ASPRV1: variants seen among roughly 807,000 people sequenced by gnomAD.
ASPRV1 encodes aspartic peptidase retroviral like 1.
A neutral mutation model predicts 11.0 loss-of-function variants in ASPRV1; 7 were observed. That is an observed-to-expected ratio of 0.64 (90% CI 0.36 to 1.20). ASPRV1 has a LOEUF of 1.20. Among genes scored for constraint, ASPRV1 ranks in the 50% most tolerant of loss-of-function variants. The pLI, the probability that ASPRV1 is intolerant of heterozygous loss-of-function variation, is 0.02. For synonymous variants in ASPRV1, 136 were observed against 138.4 expected (o/e 0.98, Z 0.12); for missense variants, 299 against 320.0 (o/e 0.93, Z 0.50).
chr2:69,961,774 T>A, upstream of ASPRV1: 1 of 1,400,600 alleles, frequency 7.1e-7, no homozygotes, highest in East Asian at 2.3e-5. Context: ...TGCCTCACCC[T>A]CTGCATCCAT....
At chr2:70,043,523 C>A in the ASPRV1 span, among the ~76,000 whole-genome samples, 4 of 152,230 alleles carry the variant, frequency 2.6e-5, no homozygotes, top group African/African-American at 7.2e-5. Flanking sequence ...GGGGGAACTG[C>A]ACCTTTGCAT....
chr2:70,046,193 TTTG>T, the ASPRV1 span: 1 of 152,048 alleles, frequency 6.6e-6, no homozygotes, highest in African/African-American at 2.4e-5. Flanking sequence ...GATGTGGTGT[TTTG>T]TTTTTTGTTT....
At chr2:69,951,446 AGTGTGTGTGTGTGTGTGTGT>A in the ASPRV1 span, among the ~76,000 whole-genome samples, 292 of 107,352 alleles carry the variant, frequency 2.7e-3, no homozygotes, top group Non-Finnish European at 4.1e-3. Flanking sequence ...AAAAAAAGTG[AGTGTGTGTGTGTGTGTGTGT>A]GTGTGTGTGT....
chr2:69,937,199 C>A, the ASPRV1 span: 10 of 1,610,470 alleles, frequency 6.2e-6, no homozygotes, highest in Non-Finnish European at 8.5e-6. Flanking sequence ...TAGAGATCTC[C>A]CTGTGGGGCC....
chr2:69,933,224 A>C, the ASPRV1 span, among the ~76,000 whole-genome samples: 1 of 139,776 alleles, frequency 7.2e-6, no homozygotes, highest in African/African-American at 2.8e-5. Context: ...AAAAAAAAAA[A>C]CAAAAAAAGA....
At chr2:70,070,041 T>C in the ASPRV1 span, among the ~76,000 whole-genome samples, 1 of 151,792 alleles carries the variant, frequency 6.6e-6, no homozygotes, top group Non-Finnish European at 1.5e-5. Context: ...GAGCCAGGCG[T>C]GGTGGCACGC....
At chr2:69,973,843 C>T in the ASPRV1 span, among the ~76,000 whole-genome samples, 2 of 152,146 alleles carry the variant, frequency 1.3e-5, no homozygotes, top group African/African-American at 2.4e-5. Flanking sequence ...GATAGTCAAC[C>T]AAATAATGAA....
chr2:69,946,658 T>C, the ASPRV1 span, among the ~76,000 whole-genome samples: 3 of 152,106 alleles, frequency 2.0e-5, no homozygotes, highest in African/African-American at 4.8e-5. Context: ...GAAATAAGCT[T>C]GGAAGGGAAA....
At chr2:70,074,250 A>T in the ASPRV1 span, among the ~76,000 whole-genome samples, 1 of 151,642 alleles carries the variant, frequency 6.6e-6, no homozygotes, top group African/African-American at 2.4e-5. Flanking sequence ...CAATTACAGA[A>T]CATCAGAGTT....
At chr2:70,018,118 G>C in the ASPRV1 span, 22 of 151,958 alleles carry the variant, frequency 1.4e-4, no homozygotes, top group Admixed American at 5.3e-4. Flanking sequence ...TTGGGCTACA[G>C]AGTGAGACTC....
chr2:69,959,222 A>G (rs1446162473), downstream of ASPRV1, among the ~76,000 whole-genome samples: 1 of 152,140 alleles, frequency 6.6e-6, no homozygotes, highest in Non-Finnish European at 1.5e-5. Context: ...GCCTCCATCA[A>G]GAGGTCTGGG....
chr2:70,071,906 C>CCAA, the ASPRV1 span, among the ~76,000 whole-genome samples: 1 of 151,858 alleles, frequency 6.6e-6, no homozygotes, highest in Non-Finnish European at 1.5e-5. Flanking sequence ...GAGTCCAAGA[C>CCAA]CAACCCAGGC....
chr2:69,982,671 T>TCAAGCAGAGCAGGGAAGA, the ASPRV1 span, among the ~76,000 whole-genome samples: 6 of 151,926 alleles, frequency 3.9e-5, no homozygotes, highest in Non-Finnish European at 8.8e-5. Context: ...CTAGGAGTCG[T>TCAAGCAGAGCAGGGAAGA]CAAGCAGAGC....
chr2:70,024,119 T>C, the ASPRV1 span, among the ~76,000 whole-genome samples: 1 of 147,468 alleles, frequency 6.8e-6, no homozygotes, highest in African/African-American at 2.5e-5. Context: ...AAGTATTAAA[T>C]AATATTAGCA....
the ASPRV1 span, chr2:70,011,881 T>A: frequency 6.6e-6 from 1 of 152,228 alleles, no homozygotes; most frequent in Non-Finnish European, 1.5e-5. Flanking sequence ...AAGGGAGGCA[T>A]GAGAGAGGGA....
the ASPRV1 span, among the ~76,000 whole-genome samples, chr2:70,013,818 C>T: frequency 6.6e-6 from 1 of 152,116 alleles, no homozygotes; most frequent in South Asian, 2.1e-4. Flanking sequence ...GAGGCGAAGA[C>T]TACAGTGAGC....
chr2:70,028,372 T>C, the ASPRV1 span: 2 of 152,312 alleles, frequency 1.3e-5, no homozygotes, highest in Admixed American at 6.5e-5. Flanking sequence ...GCTGAGTCTT[T>C]GGAAATTAGC....
At chr2:70,000,159 T>C in the ASPRV1 span, among the ~76,000 whole-genome samples, 1 of 152,238 alleles carries the variant, frequency 6.6e-6, no homozygotes, top group Non-Finnish European at 1.5e-5. Context: ...CAAGACTAAA[T>C]GACAAGTGAT....
At chr2:70,013,384 A>ATTTT in the ASPRV1 span, among the ~76,000 whole-genome samples, 1 of 152,240 alleles carries the variant, frequency 6.6e-6, no homozygotes, top group Non-Finnish European at 1.5e-5. Flanking sequence ...TTATTAAAAT[A>ATTTT]CTATTTTTTC....
Sources: gnomAD v4.1 joint callset for allele counts (sites outside exome capture counted in the v4.1 genomes callset) on GRCh38, gnomAD v4.1.1 for gene constraint, MANE v1.5 for transcripts, NCBI Gene and HGNC (gene_info 2026-07-23, HGNC 2026-07-21) for gene names.